MACROD2: variants seen among roughly 807,000 people sequenced by gnomAD.
The protein encoded by MACROD2 is mono-ADP ribosylhydrolase 2, also known as ADP-ribose glycohydrolase MACROD2.
Under a neutral mutation model 70.4 loss-of-function variants are expected in MACROD2, and 36 were observed. That is an observed-to-expected ratio of 0.51 (90% CI 0.39 to 0.68). The LOEUF is 0.68. Among genes scored for constraint, MACROD2 ranks in the 30% least tolerant of loss-of-function variants. The probability of loss-of-function intolerance (pLI) is 0.00; values close to 1 mark genes in which losing one functional copy is unlikely to be tolerated. For synonymous variants in MACROD2, 172 were observed against 178.8 expected, an observed-to-expected ratio of 0.96 and a Z score of 0.30; for missense variants, 496 against 538.4, an observed-to-expected ratio of 0.92 and a Z score of 0.78.
chr20:14,747,701 G>A (rs2071817214), intron 5 of MACROD2, among the ~76,000 whole-genome samples: 1 of 152,060 alleles, frequency 6.6e-6, no homozygotes, highest in African/African-American at 2.4e-5. Flanking sequence ...GAGCATGGGA[G>A]CAGATTAGAG....
chr20:14,241,252 A>G (rs1416086759), intron 3 of MACROD2, among the ~76,000 whole-genome samples: 1 of 152,256 alleles, frequency 6.6e-6, no homozygotes, highest in African/African-American at 2.4e-5. Flanking sequence ...ATATTTATAA[A>G]GGAAAATATC....
At chr20:15,338,254 A>G (rs2078070285) in intron 6 of MACROD2, among the ~76,000 whole-genome samples, 1 of 151,506 alleles carries the variant, frequency 6.6e-6, no homozygotes, top group South Asian at 2.1e-4. Context: ...GCTTAAATAC[A>G]CGCTCTTATT....
At chr20:15,853,697 G>C (rs2064325058) in intron 8 of MACROD2, among the ~76,000 whole-genome samples, 3 of 152,128 alleles carry the variant, frequency 2.0e-5, no homozygotes, top group African/African-American at 7.2e-5. Context: ...CCAATGAAAA[G>C]GAGTTTAGAA....
At chr20:14,358,332 C>A (rs1376764609) in intron 3 of MACROD2, among the ~76,000 whole-genome samples, 1 of 152,036 alleles carries the variant, frequency 6.6e-6, no homozygotes, top group Non-Finnish European at 1.5e-5. Flanking sequence ...AGATTTGGGG[C>A]TCAATATAAT....
chr20:14,958,159 G>A (rs979499127), intron 5 of MACROD2, among the ~76,000 whole-genome samples: 8 of 152,144 alleles, frequency 5.3e-5, no homozygotes, highest in African/African-American at 1.7e-4. Flanking sequence ...TAATGTGTAT[G>A]TATTACCTTC....
intron 5 of MACROD2, among the ~76,000 whole-genome samples, chr20:14,889,791 G>T (rs188605447): frequency 2.0e-5 from 3 of 152,260 alleles, no homozygotes; most frequent in South Asian, 2.1e-4. Context: ...AAGTGAATTG[G>T]GAAGCCAGTG....
At position 14,896,783 on chromosome 20, in the gene MACROD2, CA is replaced by C. The variant is rs367903652; in HGVS notation, c.418+211828del. Among the ~76,000 whole-genome samples the C allele has an allele frequency of 9.9e-4, 151 of 152,220 alleles. 2 individuals carry two copies. The highest frequency in any genetic ancestry group is 3.3e-3 in the African/African-American group (137 of 41,524). On this transcript the variant is annotated intron_variant, in intron 5 of 17. Coordinates refer to ENST00000684519, the MANE Select transcript of MACROD2 (RefSeq NM_001351661.2). ...ATGACAGATGGCATATGGCTGCAGG[CA>C]AAATGCCAGTCCACATGATGAATCC...
At chr20:15,654,783 G>C (rs966132149) in intron 8 of MACROD2, among the ~76,000 whole-genome samples, 1 of 152,164 alleles carries the variant, frequency 6.6e-6, no homozygotes, top group African/African-American at 2.4e-5. Flanking sequence ...AGCTTGGGAG[G>C]GTGCCAATTA....
intron 3 of MACROD2, among the ~76,000 whole-genome samples, chr20:14,199,145 C>A (rs1321721519): frequency 1.3e-5 from 2 of 152,142 alleles, no homozygotes; most frequent in African/African-American, 2.4e-5. Flanking sequence ...AGTTATCATA[C>A]ATAGAATACA....
chr20:15,885,873 A>G (rs2064815900), intron 10 of MACROD2, 62 bp downstream of exon 10: 1 of 1,420,720 alleles, frequency 7.0e-7, no homozygotes, highest in East Asian at 2.8e-5. Flanking sequence ...GTTTATGTAC[A>G]CTTCATATTT....
chr20:14,154,399 T>G (rs1214207241), intron 3 of MACROD2, among the ~76,000 whole-genome samples: 1 of 150,874 alleles, frequency 6.6e-6, no homozygotes, highest in Middle Eastern at 3.2e-3. Flanking sequence ...CTTTTTTTTT[T>G]TTTTTGAGAC....
At chr20:14,024,319 A>G (rs1406079037) in intron 2 of MACROD2, among the ~76,000 whole-genome samples, 1 of 152,198 alleles carries the variant, frequency 6.6e-6, no homozygotes, top group Non-Finnish European at 1.5e-5. Context: ...TAAATGTACA[A>G]TCATGTCATC....
chr20:14,421,151 C>T (rs1450183545), intron 3 of MACROD2, among the ~76,000 whole-genome samples: 2 of 152,182 alleles, frequency 1.3e-5, no homozygotes, highest in Non-Finnish European at 2.9e-5. Context: ...TCAATATTCA[C>T]AAGAAATATT....
intron 5 of MACROD2, among the ~76,000 whole-genome samples, chr20:15,015,475 G>GTT (rs35022559): frequency 0.024 from 3,377 of 138,594 alleles, 71 homozygotes; most frequent in Middle Eastern, 0.041. Context: ...AACTATGTGT[G>GTT]TTTTTTTTTT....
chr20:14,465,720 G>A (rs1406744740), intron 3 of MACROD2, among the ~76,000 whole-genome samples: 1 of 152,074 alleles, frequency 6.6e-6, no homozygotes, highest in East Asian at 1.9e-4. Flanking sequence ...CTCTTTTAGG[G>A]CAGGCCTAGT....
At chr20:14,078,241 A>C (rs2053941449) in intron 2 of MACROD2, among the ~76,000 whole-genome samples, 1 of 151,814 alleles carries the variant, frequency 6.6e-6, no homozygotes. Flanking sequence ...GGGAACAAAA[A>C]TTCTGTGCCT....
chr20:14,739,486 G>A (rs181943457), intron 5 of MACROD2, among the ~76,000 whole-genome samples: 47 of 151,788 alleles, frequency 3.1e-4, no homozygotes, highest in Non-Finnish European at 2.1e-4. Context: ...GACCATGGAC[G>A]GGAGCAAGAT....
chr20:15,000,592 C>T (rs1312080199), intron 5 of MACROD2, among the ~76,000 whole-genome samples: 1 of 111,062 alleles, frequency 9.0e-6, no homozygotes, highest in African/African-American at 4.5e-5. Flanking sequence ...CACTGCAGTC[C>T]GCAGTCCGGC....
At chr20:15,854,144 G>T (rs929035149) in intron 8 of MACROD2, among the ~76,000 whole-genome samples, 2 of 152,164 alleles carry the variant, frequency 1.3e-5, no homozygotes, top group African/African-American at 4.8e-5. Context: ...TAGGAAAAGA[G>T]ATTTCCACAG....
Sources: allele counts gnomAD v4.1 joint callset (sites outside exome capture counted in the v4.1 genomes callset), GRCh38; gene constraint gnomAD v4.1.1; transcripts MANE v1.5; gene names NCBI Gene and HGNC (gene_info 2026-07-23, HGNC 2026-07-21).